LRRTM4: variants seen among roughly 807,000 people sequenced by gnomAD.
LRRTM4 encodes leucine-rich repeat transmembrane neuronal protein 4.
LRRTM4 carries 25 observed loss-of-function variants against 47.6 expected under a neutral mutation model. That is an observed-to-expected ratio of 0.53 (90% confidence interval 0.38 to 0.73). The LOEUF (loss-of-function observed/expected upper bound fraction) is 0.73. LRRTM4 is among the 30% of genes least tolerant of loss of function. LRRTM4 has a pLI of 0.00. For missense variants in LRRTM4, 638 were observed against 713.4 expected, an observed-to-expected ratio of 0.89 and a Z score of 1.20; for synonymous variants, 311 against 269.5, an observed-to-expected ratio of 1.15 and a Z score of -1.51.
intron 3 of LRRTM4, among the ~76,000 whole-genome samples, chr2:76,982,122 T>A (rs373268852): frequency 1.3e-5 from 2 of 152,172 alleles, no homozygotes; most frequent in East Asian, 3.9e-4. Context: ...ATGGATATTG[T>A]TATGATCTAC....
At chr2:76,957,983 ATTG>A (rs1368219301) in intron 3 of LRRTM4, among the ~76,000 whole-genome samples, 3 of 151,464 alleles carry the variant, frequency 2.0e-5, no homozygotes, top group Non-Finnish European at 4.4e-5. Flanking sequence ...AAAGTCTTTT[ATTG>A]TTATTTGTTC....
At chr2:77,404,714 A>T (rs1674112594) in intron 3 of LRRTM4, among the ~76,000 whole-genome samples, 1 of 152,096 alleles carries the variant, frequency 6.6e-6, no homozygotes, top group African/African-American at 2.4e-5. Flanking sequence ...CAATATCATC[A>T]TAACCCTTGA....
At chr2:77,067,720 C>CACACACACAT (rs1282469763) in intron 3 of LRRTM4, among the ~76,000 whole-genome samples, 4 of 150,068 alleles carry the variant, frequency 2.7e-5, no homozygotes, top group African/African-American at 9.8e-5. Context: ...CACACACATA[C>CACACACACAT]ATATTTCAGG....
intron 3 of LRRTM4, among the ~76,000 whole-genome samples, chr2:77,182,677 T>C (rs1019340148): frequency 7.2e-5 from 11 of 152,302 alleles, no homozygotes; most frequent in African/African-American, 2.4e-4. Context: ...TTCTCCTGCC[T>C]GATTGCCCTG....
At chr2:77,373,926 C>T (rs1470990285) in intron 3 of LRRTM4, among the ~76,000 whole-genome samples, 1 of 151,622 alleles carries the variant, frequency 6.6e-6, no homozygotes, top group Non-Finnish European at 1.5e-5. Flanking sequence ...GCCAGAAAAT[C>T]ATATAGTGGA....
At chr2:77,014,010 A>G (rs1366134137) in intron 3 of LRRTM4, among the ~76,000 whole-genome samples, 1 of 152,128 alleles carries the variant, frequency 6.6e-6, no homozygotes, top group Non-Finnish European at 1.5e-5. Flanking sequence ...TTCTTTCACC[A>G]TATGGGAACT....
intron 2 of LRRTM4, among the ~76,000 whole-genome samples, chr2:77,520,513 G>C (rs1471952395): frequency 6.6e-6 from 1 of 152,088 alleles, no homozygotes; most frequent in East Asian, 1.9e-4. Context: ...AATAAGCATA[G>C]ATTATTGCAT....
Position 77,456,086 on chromosome 2 carries a change from AAACT to A in LRRTM4, c.1551+62228_1551+62231del, listed in dbSNP as rs1676527564. On this transcript the variant is annotated intron_variant, in intron 3 of 3. Transcript: ENST00000409884. ...CTTGAGCTCTTTCATCAAAATTCCA[AAACT>A]AATTTTACCCAGTCAGTGAGACATT... Among the ~76,000 whole-genome samples the A allele has an allele frequency of 2.0e-5, 3 of 152,110 alleles. No homozygotes were observed. The South Asian group carries it at 6.2e-4, about 31-fold the overall frequency.
chr2:76,964,264 A>G (rs188632791), intron 3 of LRRTM4, among the ~76,000 whole-genome samples: 1 of 150,840 alleles, frequency 6.6e-6, no homozygotes, highest in Non-Finnish European at 1.5e-5. Flanking sequence ...AAAAAAATCA[A>G]CTCTTCAGAT....
At chr2:77,480,510 A>T (rs1016781627) in intron 3 of LRRTM4, among the ~76,000 whole-genome samples, 18 of 152,172 alleles carry the variant, frequency 1.2e-4, no homozygotes, top group Non-Finnish European at 2.5e-4. Context: ...TGCACACTGA[A>T]CACTTGTTCA....
At chr2:77,174,344 C>A (rs899431024) in intron 3 of LRRTM4, among the ~76,000 whole-genome samples, 2 of 152,134 alleles carry the variant, frequency 1.3e-5, no homozygotes. Context: ...GCTTTTCAGG[C>A]CACTGGGTTT....
intron 3 of LRRTM4, among the ~76,000 whole-genome samples, chr2:76,751,798 G>C (rs1448498568): frequency 6.6e-6 from 1 of 152,088 alleles, no homozygotes; most frequent in Admixed American, 6.6e-5. Context: ...AATGTAAGAA[G>C]ACACTTTGTG....
chr2:77,096,260 G>C (rs1670809712), intron 3 of LRRTM4, among the ~76,000 whole-genome samples: 1 of 151,632 alleles, frequency 6.6e-6, no homozygotes, highest in Non-Finnish European at 1.5e-5. Flanking sequence ...AAAAATTGTG[G>C]AATAATGCCT....
At chr2:76,754,217 G>A (rs1672949172) in intron 3 of LRRTM4, among the ~76,000 whole-genome samples, 1 of 152,118 alleles carries the variant, frequency 6.6e-6, no homozygotes, top group South Asian at 2.1e-4. Context: ...TAAAATGAAT[G>A]TCCATAGCTA....
chr2:76,881,852 A>G (rs1445674123), intron 3 of LRRTM4, among the ~76,000 whole-genome samples: 2 of 152,062 alleles, frequency 1.3e-5, no homozygotes, highest in Non-Finnish European at 2.9e-5. Flanking sequence ...CTATTCTAAC[A>G]CTGAACTTTT....
At chr2:76,918,806 A>C (rs997337520) in intron 3 of LRRTM4, among the ~76,000 whole-genome samples, 16 of 152,164 alleles carry the variant, frequency 1.1e-4, no homozygotes, top group African/African-American at 3.4e-4. Context: ...TTCAGAAGAA[A>C]TCCTTAGAAA....
intron 3 of LRRTM4, among the ~76,000 whole-genome samples, chr2:77,491,399 T>C (rs114746626): frequency 0.018 from 2,695 of 152,012 alleles, 84 homozygotes; most frequent in African/African-American, 0.061. Context: ...GTCCCTGAGA[T>C]GGAAAAATTC....
intron 3 of LRRTM4, among the ~76,000 whole-genome samples, chr2:76,980,124 T>A (rs979373844): frequency 3.3e-5 from 5 of 152,198 alleles, no homozygotes; most frequent in African/African-American, 1.2e-4. Context: ...ATATTACAAG[T>A]ATCCATGTTC....
intron 3 of LRRTM4, among the ~76,000 whole-genome samples, chr2:77,372,305 C>T (rs935483925): frequency 2.6e-5 from 4 of 151,628 alleles, no homozygotes; most frequent in African/African-American, 9.7e-5. Context: ...ACACATGTGC[C>T]ATAGAAAATT....
Sources: gnomAD v4.1 joint callset for allele counts (sites outside exome capture counted in the v4.1 genomes callset) on GRCh38, gnomAD v4.1.1 for gene constraint, MANE v1.5 for transcripts, NCBI Gene and HGNC (gene_info 2026-07-23, HGNC 2026-07-21) for gene names.